Variants in DOCK8 observed in about 807,000 individuals in gnomAD.
DOCK8 encodes the protein dedicator of cytokinesis protein 8.
Under a neutral mutation model 245.6 loss-of-function variants are expected in DOCK8, and 141 were observed. The observed-to-expected ratio is 0.57, with a 90% CI of 0.50 to 0.66. The LOEUF (loss-of-function observed/expected upper bound fraction) is 0.66. Ranked by LOEUF, DOCK8 falls within the 30% of genes least tolerant of loss-of-function variation. The probability of loss-of-function intolerance (pLI) is 0.00; values close to 1 mark genes in which losing one functional copy is unlikely to be tolerated. For missense variants in DOCK8, 2,965 were observed against 2,603.4 expected, an observed-to-expected ratio of 1.14 and a Z score of -3.02; for synonymous variants, 1,168 against 970.2, an observed-to-expected ratio of 1.20 and a Z score of -3.79.
chr9:317,506 G>C (rs1370054866), intron 7 of DOCK8, among the ~76,000 whole-genome samples: 1 of 152,124 alleles, frequency 6.6e-6, no homozygotes, highest in Non-Finnish European at 1.5e-5. Flanking sequence ...AAGTCACATT[G>C]GTAACTTTAA....
chr9:229,905 TTTATTA>T (rs1160758283), intron 1 of DOCK8, among the ~76,000 whole-genome samples: 1 of 151,488 alleles, frequency 6.6e-6, no homozygotes, highest in Non-Finnish European at 1.5e-5. Flanking sequence ...TAAATTTAAT[TTTATTA>T]TTATTATTAT....
chr9:257,287 G>C (rs1470357257), intron 1 of DOCK8, among the ~76,000 whole-genome samples: 1 of 152,174 alleles, frequency 6.6e-6, no homozygotes, highest in Non-Finnish European at 1.5e-5. Flanking sequence ...ATCATTAAAT[G>C]GATGTCTGTT....
chr9:288,472 G>A (rs1417625306), intron 3 of DOCK8, among the ~76,000 whole-genome samples: 1 of 152,212 alleles, frequency 6.6e-6, no homozygotes, highest in African/African-American at 2.4e-5. Flanking sequence ...CTATGGTGCT[G>A]ATTGAGAATT....
chr9:276,968 G>C (rs1406624865), intron 2 of DOCK8: 1 of 341,772 alleles, frequency 2.9e-6, no homozygotes, highest in East Asian at 1.1e-4. Context: ...CATTGCGCCT[G>C]GCTAATTTTT....
intron 44 of DOCK8, among the ~76,000 whole-genome samples, chr9:449,307 G>A (rs965831101): frequency 2.6e-5 from 4 of 152,176 alleles, no homozygotes; most frequent in Non-Finnish European, 5.9e-5. Context: ...CCAAGATCAT[G>A]CCATTGCACT....
intron 28 of DOCK8, among the ~76,000 whole-genome samples, chr9:411,275 T>A (rs1044749148): frequency 5.3e-5 from 8 of 151,944 alleles, no homozygotes; most frequent in Admixed American, 5.2e-4. Flanking sequence ...TAGCTGGGTG[T>A]GGTGGCGGGA....
At chr9:409,698 A>G (rs1032826494) in intron 28 of DOCK8, among the ~76,000 whole-genome samples, 1 of 152,110 alleles carries the variant, frequency 6.6e-6, no homozygotes, top group Non-Finnish European at 1.5e-5. Context: ...CGTCATTTAC[A>G]TTAGGTATAT....
chr9:393,085 CAAAAAAAAAAAAAAAAA>C (rs1159933739), intron 24 of DOCK8, among the ~76,000 whole-genome samples: 5 of 44,732 alleles, frequency 1.1e-4, no homozygotes, highest in Non-Finnish European at 1.7e-4. Context: ...GACCCTGTCT[CAAAAAAAAAAAAAAAAA>C]AAAAAAAAAA....
Position 376,271 on chromosome 9 carries a change from T to C in DOCK8, c.2171T>C (p.Ile724Thr), listed in dbSNP as rs752044438. The C allele has an allele frequency of 5.0e-6, 8 of 1,613,598 alleles. No individual in the cohort carries two copies. Among genetic ancestry groups the C allele is most frequent in the Non-Finnish European group, 6.8e-6 (8 of 1,179,558 alleles). ...WAEGHKGVFN[I>T]EVQAVSSVHT... ...GAAGGACATAAGGGAGTATTTAATA[T>C]TGAAGTGCAAGCTGTTTCTTCTGTA... Residue 724 changes from isoleucine to threonine, a missense_variant, in exon 19 of 48, where the codon ATT becomes ACT. Physicochemically the swap from Ile to Thr is moderately conservative, Grantham distance 89 (BLOSUM62 -1). Coordinates refer to ENST00000432829, the MANE Select transcript of DOCK8 (RefSeq NM_203447.4).
chr9:265,421 T>A lies in DOCK8; in HGVS notation c.54-6206T>A, dbSNP rs184860767. Among the ~76,000 whole-genome samples the A allele has an allele frequency of 1.8e-3, 270 of 152,320 alleles. 1 individual carries two copies. Among genetic ancestry groups the A allele is most frequent in the African/African-American group, 6.1e-3 (254 of 41,580 alleles). ...TTGCATGCATAGGTACACCCACAAA[T>A]GTCTGTCATTAATACGTATCACTAG... On this transcript the variant is annotated intron_variant, in intron 1 of 47. Coordinates refer to ENST00000432829, the MANE Select transcript of DOCK8 (RefSeq NM_203447.4).
chr9:371,403 T>C (rs2053279186), intron 16 of DOCK8, 25 bp from the exon 17 acceptor site: 1 of 1,613,988 alleles, frequency 6.2e-7, no homozygotes, highest in African/African-American at 1.3e-5. Context: ...AAAAGTTATT[T>C]GTGTATAATG....
intron 9 of DOCK8, among the ~76,000 whole-genome samples, chr9:329,386 A>C (rs1404115665): frequency 6.6e-6 from 1 of 152,158 alleles, no homozygotes; most frequent in Admixed American, 6.5e-5. Context: ...CCATGATCTC[A>C]TGGATTCCAA....
chr9:322,651 T>G (rs1179497763), intron 7 of DOCK8, among the ~76,000 whole-genome samples: 1 of 152,238 alleles, frequency 6.6e-6, no homozygotes, highest in Non-Finnish European at 1.5e-5. Flanking sequence ...TCAATTCTCT[T>G]TTTCTTTCTC....
chr9:461,828 C>T (rs972216794), intron 46 of DOCK8, among the ~76,000 whole-genome samples: 2 of 152,082 alleles, frequency 1.3e-5, no homozygotes, highest in Admixed American at 6.6e-5. Context: ...AGGCATGAGG[C>T]ACCACACCCA....
chr9:352,475 G>A (rs986385453), intron 14 of DOCK8, among the ~76,000 whole-genome samples: 1 of 152,156 alleles, frequency 6.6e-6, no homozygotes, highest in Non-Finnish European at 1.5e-5. Context: ...CAGGCACGGT[G>A]GCTCATGCCT....
rs370632366 is a variant in DOCK8 at position 382,541 on chromosome 9, G to A, written c.2634G>A (p.Arg878=). The change falls in exon 22 of 48, where the codon CGG becomes CGA. Residue 878 remains arginine, a synonymous_variant. Transcript: ENST00000432829. ...SGAPTALLDP[R]SYHTYGRTSA... is the part of the protein sequence containing the mutation. ...CTCCCACTGCCCTCCTAGACCCTCGGAGCTACCACACGTATGGCCGCACAT... is the reference window on the plus strand; with the variant it reads ...CTCCCACTGCCCTCCTAGACCCTCGAAGCTACCACACGTATGGCCGCACAT... 1.2e-4 allele frequency: 192 copies of A among 1,613,756 alleles called. No homozygotes were observed. Among genetic ancestry groups the A allele is most frequent in the Non-Finnish European group, 1.5e-4 (177 of 1,179,908 alleles).
At chr9:363,418 T>C (rs2052825877) in intron 14 of DOCK8, among the ~76,000 whole-genome samples, 1 of 152,214 alleles carries the variant, frequency 6.6e-6, no homozygotes, top group Non-Finnish European at 1.5e-5. Flanking sequence ...TGTTTATCCG[T>C]TCGTTAATCA....
intron 39 of DOCK8, among the ~76,000 whole-genome samples, chr9:437,389 C>T (rs138902369): frequency 6.1e-4 from 93 of 152,282 alleles, no homozygotes; most frequent in African/African-American, 2.2e-3. Context: ...CTAGCAGTTG[C>T]AGAGAAAGCC....
At chr9:297,428 A>G (rs559765533) in intron 4 of DOCK8, among the ~76,000 whole-genome samples, 2 of 152,310 alleles carry the variant, frequency 1.3e-5, no homozygotes, top group South Asian at 2.1e-4. Flanking sequence ...ATGTGTTAGA[A>G]TAGTGTTTTA....
Sources: allele counts gnomAD v4.1 joint callset (sites outside exome capture counted in the v4.1 genomes callset), GRCh38; gene constraint gnomAD v4.1.1; transcripts MANE v1.5; gene names NCBI Gene and HGNC (gene_info 2026-07-23, HGNC 2026-07-21).